LRP3: variants seen among roughly 807,000 people sequenced by gnomAD.
The protein encoded by LRP3 is low-density lipoprotein receptor-related protein 3.
LRP3 carries 49 observed loss-of-function variants against 58.5 expected under a neutral mutation model. The observed-to-expected ratio is 0.84, with a 90% CI of 0.67 to 1.06. LRP3 has a LOEUF of 1.06. Among genes scored for constraint, LRP3 ranks in the 50% least tolerant of loss-of-function variants. The pLI, the probability that LRP3 is intolerant of heterozygous loss-of-function variation, is 0.00. For synonymous variants in LRP3, 485 were observed against 492.2 expected, an observed-to-expected ratio of 0.99 and a Z score of 0.20; for missense variants, 1,019 against 1,134.2, an observed-to-expected ratio of 0.90 and a Z score of 1.46.
At chr19:33,197,091 C>T (rs1177443573) in intron 2 of LRP3, among the ~76,000 whole-genome samples, 1 of 152,138 alleles carries the variant, frequency 6.6e-6, no homozygotes, top group African/African-American at 2.4e-5. Context: ...CCGAGGGTCC[C>T]GTGGAATTGA....
At chr19:33,204,542 C>G (rs1974377922) in intron 3 of LRP3, 96 bp from the exon 4 acceptor site, 1 of 883,858 alleles carries the variant, frequency 1.1e-6, no homozygotes, top group African/African-American at 1.6e-5. Context: ...GCTGGCTGTC[C>G]TGGCCGTGGC....
chr19:33,206,540 G>A, intron 5 of LRP3, 61 bp from the exon 6 acceptor site: 2 of 1,590,424 alleles, frequency 1.3e-6, no homozygotes, highest in Non-Finnish European at 1.7e-6. Context: ...GAATCCTGTT[G>A]TTGTTCCTGC....
chr19:33,203,347 AAC>A (rs1974364037), intron 3 of LRP3, among the ~76,000 whole-genome samples: 2 of 152,070 alleles, frequency 1.3e-5, no homozygotes, highest in Admixed American at 1.3e-4. Flanking sequence ...CATGTATGTG[AAC>A]ACATGTGTGC....
rs986005611 is a variant in LRP3 at position 33,208,555 on chromosome 19, C to T, written c.*980C>T. On this transcript the variant is annotated 3_prime_UTR_variant, in exon 7 of 7. Coordinates refer to ENST00000253193, the MANE Select transcript of LRP3 (RefSeq NM_002333.4). This position sits in a 1 kb window ranked among gnomAD's most constrained non-coding sequence, Gnocchi z 4.7. ...AAAGCCCCCTAATGTCAAGAGCCTC[C>T]TCCAGGGCCTGCCACGGCATCTTCC... 62 of 392,826 alleles carry T rather than the reference C, an allele frequency of 1.6e-4. No homozygotes were observed. Among genetic ancestry groups the T allele is most frequent in the African/African-American group, 1.1e-3 (53 of 48,592 alleles). 24.3% of individuals were successfully genotyped at this position (392,826 alleles called of 1,614,324 possible).
chr19:33,204,547 C>A, intron 3 of LRP3, 91 bp from the exon 4 acceptor site: 1 of 925,664 alleles, frequency 1.1e-6, no homozygotes, highest in Non-Finnish European at 1.7e-6. Context: ...CTGTCCTGGC[C>A]GTGGCTCCAG....
At chr19:33,205,206 C>T (rs1280107985) in intron 4 of LRP3, 40 bp from the exon 5 acceptor site, 1 of 1,584,588 alleles carries the variant, frequency 6.3e-7, no homozygotes. Context: ...GGAGGCTCTT[C>T]TGTCTCCTGA....
intron 2 of LRP3, among the ~76,000 whole-genome samples, chr19:33,201,006 C>T (rs989707632): frequency 1.3e-5 from 2 of 152,218 alleles, no homozygotes; most frequent in Non-Finnish European, 2.9e-5. Flanking sequence ...CTAGTAGGCC[C>T]CCAGGGGAAG....
rs917257437 is a variant in LRP3, at chr19:33,208,316, G to A, written c.*741G>A. The A allele has an allele frequency of 4.1e-5, 7 of 170,032 alleles. No homozygotes were observed. The highest frequency in any genetic ancestry group is 3.8e-4 in the Admixed American group (7 of 18,272). The allele number at this position is 170,032 out of a possible 1,614,324, so 10.5% of individuals were successfully genotyped here. A position where few individuals can be genotyped will look rare whatever the true frequency, so the allele number is the denominator to read the frequency against. On this transcript the variant is annotated 3_prime_UTR_variant, in exon 7 of 7. Transcript: ENST00000253193. The surrounding 1 kb of genome is among the most constrained non-coding windows in gnomAD (Gnocchi z 4.7). ...CCCACCTGTAAGCCAGGGTGAGACT[G>A]TGGGCTCTGAAGTCCTGACCTTCAC...
intron 5 of LRP3, 80 bp from the exon 6 acceptor site, chr19:33,206,521 G>T (rs1974413127): frequency 6.3e-7 from 1 of 1,586,308 alleles, no homozygotes; most frequent in East Asian, 2.2e-5. Context: ...TGGGTGGAGG[G>T]TCGTCCTGGA....
Position 33,207,161 on chromosome 19 carries a change from C to A in LRP3, c.1899C>A (p.Thr633=). The change falls in exon 7 of 7, where the codon ACC becomes ACA. Residue 633 remains threonine (T), a synonymous_variant. Coordinates refer to ENST00000253193, the MANE Select transcript of LRP3 (RefSeq NM_002333.4). ...TGACCGCAGCACGCCCCTCACAGAC[C>A]GTGCTGGGCGATGGCTTCCTCCAGC... ...PLLTAARPSQ[T]VLGDGFLQPA... The A allele has an allele frequency of 6.5e-7, 1 of 1,537,692 alleles. No homozygotes were observed.
rs1032977869 is a variant in LRP3 at position 33,208,789 on chromosome 19, CT to C, written c.*1222del. Reference sequence around the variant, plus strand: ...GGCTTCTGAGAGTCGTATCTTTTTTCTTTTTTTTCCAGAAAAAAACAAAACA... The same window carrying C: ...GGCTTCTGAGAGTCGTATCTTTTTTCTTTTTTTCCAGAAAAAAACAAAACA... On this transcript the variant is annotated 3_prime_UTR_variant, in exon 7 of 7. Transcript: ENST00000253193. This position sits in a 1 kb window ranked among gnomAD's most constrained non-coding sequence, Gnocchi z 4.7. 29 of 1,487,438 alleles carry C rather than the reference CT, an allele frequency of 1.9e-5. No homozygotes were observed. In the African/African-American group the frequency reaches 2.9e-4, roughly 15 times the overall value. 92.1% of individuals were successfully genotyped at this position (1,487,438 alleles called of 1,614,324 possible).
At chr19:33,206,861 T>TG (rs986163162) in intron 6 of LRP3, 127 bp from the exon 7 acceptor site, 289 of 1,214,750 alleles carry the variant, frequency 2.4e-4, no homozygotes, top group African/African-American at 5.9e-4. Context: ...CATGGCCAGG[T>TG]GGGGGGGGTG....
chr19:33,194,698 GCAGCCA>G lies in LRP3; in HGVS notation c.-87_-82del, dbSNP rs921015284. ...CCTAGCCCGAGCCCGAGCCCGAGCCGCAGCCAGAGCCAGAGCCGGAGCCGCAGCCGG... is the reference window on the plus strand; with the variant it reads ...CCTAGCCCGAGCCCGAGCCCGAGCCGGAGCCAGAGCCGGAGCCGCAGCCGG... On this transcript the variant is annotated 5_prime_UTR_variant, in exon 1 of 7. Coordinates refer to ENST00000253193, the MANE Select transcript of LRP3 (RefSeq NM_002333.4). The G allele has an allele frequency of 3.1e-5, 11 of 355,546 alleles. No individual in the cohort carries two copies. The highest frequency in any genetic ancestry group is 2.2e-4 in the African/African-American group (10 of 44,778). 22.0% of individuals were successfully genotyped at this position (355,546 alleles called of 1,614,324 possible). A position where few individuals can be genotyped will look rare whatever the true frequency, so the allele number is the denominator to read the frequency against.
chr19:33,195,060 T>C (rs1974271836), intron 1 of LRP3, among the ~76,000 whole-genome samples: 1 of 151,736 alleles, frequency 6.6e-6, no homozygotes, highest in Non-Finnish European at 1.5e-5. Flanking sequence ...CAGCCCCGGC[T>C]CCCGCCCCGC....
rs202063147 is a variant in LRP3 at position 33,208,841 on chromosome 19, C to T, written c.*1266C>T. The T allele has an allele frequency of 2.0e-6, 3 of 1,535,642 alleles. No individual in the cohort carries two copies. The highest frequency in any genetic ancestry group is 2.7e-6 in the Non-Finnish European group (3 of 1,130,776). On this transcript the variant is annotated 3_prime_UTR_variant, in exon 7 of 7. Coordinates refer to ENST00000253193, the MANE Select transcript of LRP3 (RefSeq NM_002333.4). This position sits in a 1 kb window ranked among gnomAD's most constrained non-coding sequence, Gnocchi z 4.7. ...AAACTTTTTTGCCAAAACACCTCCT[C>T]AATAAACAACATGTAAACAGAAACA...
Position 33,207,559 on chromosome 19 carries a change from C to T in LRP3, c.2297C>T (p.Ala766Val), listed in dbSNP as rs749971219. ...ATGCTGGAGGCCAGCGATGATGAGG[C>T]CCTGTTGGTCTGTTGACCGCTGGGC... ...SPMLEASDDE[A>V]LLVC is the part of the protein sequence containing the mutation. Residue 766 changes from alanine to valine, a missense_variant, in exon 7 of 7, where the codon GCC (alanine) becomes GTC (valine). Coordinates refer to ENST00000253193, the MANE Select transcript of LRP3 (RefSeq NM_002333.4). 1.1e-5 allele frequency: 17 copies of T among 1,603,816 alleles called. No individual in the cohort carries two copies. The highest frequency in any genetic ancestry group is 3.3e-4 in the Middle Eastern group (2 of 6,044).
At chr19:33,204,413 A>G (rs994721717) in intron 3 of LRP3, 1 of 570,544 alleles carries the variant, frequency 1.8e-6, no homozygotes, top group South Asian at 2.2e-5. Flanking sequence ...GGATGTCGCA[A>G]TTCTTCATGG....
intron 2 of LRP3, among the ~76,000 whole-genome samples, chr19:33,201,575 G>A (rs1228949194): frequency 6.6e-6 from 1 of 152,174 alleles, no homozygotes; most frequent in Non-Finnish European, 1.5e-5. Context: ...GAACCAGAGA[G>A]AACTTGGCTT....
chr19:33,203,813 G>A (rs1444079390), intron 3 of LRP3: 2 of 152,090 alleles, frequency 1.3e-5, no homozygotes, highest in Admixed American at 1.3e-4. Context: ...TGAGCCCAGA[G>A]CATGGTTTCT....
Sources: allele counts gnomAD v4.1 joint callset (sites outside exome capture counted in the v4.1 genomes callset), GRCh38; gene constraint gnomAD v4.1.1; non-coding constraint Gnocchi (gnomAD v3.1); transcripts MANE v1.5; gene names NCBI Gene and HGNC (gene_info 2026-07-23, HGNC 2026-07-21).